DHFR2: variants seen among roughly 807,000 people sequenced by gnomAD.
The protein encoded by DHFR2 is dihydrofolate reductase 2, mitochondrial.
Under a neutral mutation model 12.0 loss-of-function variants are expected in DHFR2, and 11 were observed. That is an observed-to-expected ratio of 0.92 (90% CI 0.58 to 1.52). The LOEUF is 1.52. DHFR2 is among the 40% of genes most tolerant of loss of function. The pLI is 0.00. For missense variants in DHFR2, 188 were observed against 221.2 expected, an observed-to-expected ratio of 0.85 and a Z score of 0.95; for synonymous variants, 87 against 79.6, an observed-to-expected ratio of 1.09 and a Z score of -0.49.
Position 94,060,475 on chromosome 3 carries a change from C to CA in DHFR2, c.*472dup, listed in dbSNP as rs1247636420. 2.5e-5 allele frequency: 4 copies of CA among 160,644 alleles called. No homozygotes were observed. The highest frequency in any genetic ancestry group is 5.5e-5 in the Non-Finnish European group (4 of 73,100). 10.0% of individuals were successfully genotyped at this position (160,644 alleles called of 1,614,324 possible). A position where few individuals can be genotyped will look rare whatever the true frequency, so the allele number is the denominator to read the frequency against. On this transcript the variant is annotated 3_prime_UTR_variant, in exon 2 of 2. Coordinates refer to ENST00000314636, the MANE Select transcript of DHFR2 (RefSeq NM_176815.5). ...CCCCAATCTAAGACAGAAATATATT[C>CA]ATTTTCCCATCACTGGACTTCCAGG...
chr3:94,063,198 G>A, upstream of DHFR2: 18 of 1,561,910 alleles, frequency 1.2e-5, no homozygotes, highest in Non-Finnish European at 1.6e-5. Flanking sequence ...GGACGCGGCC[G>A]AGGTGGCGAG....
chr3:94,058,732 G>GTTTTTTTTTTTTTTTTTTTT lies in DHFR2; in HGVS notation c.*2215_*2216insAAAAAAAAAAAAAAAAAAAA, dbSNP rs1221588717. 7.9e-6 allele frequency: 1 copy of GTTTTTTTTTTTTTTTTTTTT among 126,812 alleles called. No individual in the cohort carries two copies. Among genetic ancestry groups the GTTTTTTTTTTTTTTTTTTTT allele is most frequent in the Non-Finnish European group, 1.7e-5 (1 of 59,010 alleles). 7.9% of individuals were successfully genotyped at this position (126,812 alleles called of 1,614,324 possible). On this transcript the variant is annotated 3_prime_UTR_variant, in exon 2 of 2. Transcript: ENST00000314636. The stretch of plus-strand genomic sequence containing the variant: ...CAACCCTTCCCCCTTGTTTTTTTTT[G>GTTTTTTTTTTTTTTTTTTTT]TTTTTTTTTTTTTTTACTTTTGCTT...
At chr3:94,062,414 T>A (rs984224094) in intron 1 of DHFR2, among the ~76,000 whole-genome samples, 1 of 152,212 alleles carries the variant, frequency 6.6e-6, no homozygotes, top group Admixed American at 6.5e-5. Flanking sequence ...ATGGGCCAGG[T>A]CTGGGGAAAA....
upstream of DHFR2, chr3:94,062,947 T>C: frequency 1.5e-6 from 1 of 652,840 alleles, no homozygotes; most frequent in Non-Finnish European, 2.7e-6. Context: ...GAGCTAAGCC[T>C]CTTCGACAAG....
upstream of DHFR2, chr3:94,063,271 T>C (rs941421243): frequency 1.1e-6 from 1 of 909,850 alleles, no homozygotes; most frequent in Non-Finnish European, 1.8e-6. Context: ...AGCGTTTCTT[T>C]GGCTTTACTG....
At chr3:94,061,812 T>C (rs2077177046) in intron 1 of DHFR2, among the ~76,000 whole-genome samples, 1 of 151,788 alleles carries the variant, frequency 6.6e-6, no homozygotes, top group South Asian at 2.1e-4. Context: ...ATCCAAGAGA[T>C]GGCATCATTT....
Position 94,060,853 on chromosome 3 carries a change from A to G in DHFR2, c.*95T>C. ...ACGTTGCTTAGAAATAATTATCCAT[A>G]GATCTGAAGTCAACAAAAGTCCCTT... On this transcript the variant is annotated 3_prime_UTR_variant, in exon 2 of 2. Transcript: ENST00000314636. The G allele has an allele frequency of 3.8e-6, 5 of 1,330,692 alleles. No homozygotes were observed. The highest frequency in any genetic ancestry group is 5.2e-6 in the Non-Finnish European group (5 of 967,580). 82.4% of individuals were successfully genotyped at this position (1,330,692 alleles called of 1,614,324 possible).
Position 94,061,361 on chromosome 3 carries a change from C to G in DHFR2, c.151G>C (p.Val51Leu), listed in dbSNP as rs906434942. The part of the protein sequence containing the change: ...TSSVEGKQNL[V>L]IMGRKTWFSI... ...AACCAGGTCTTCCTACCCATAATCA[C>G]CAGATTCTGTTTACCCTCTACTGAA... Residue 51 changes from valine (V) to leucine (L), a missense_variant, in exon 2 of 2, where the codon GTG becomes CTG. Physicochemically the swap from Val to Leu is conservative, Grantham distance 32. Transcript: ENST00000314636. 6.2e-7 allele frequency: 1 copy of G among 1,614,158 alleles called. No individual in the cohort carries two copies. The highest frequency in any genetic ancestry group is 1.7e-5 in the Admixed American group (1 of 60,018).
rs577574323 is a variant in DHFR2, at chr3:94,059,828, C to T, written c.*1120G>A. On this transcript the variant is annotated 3_prime_UTR_variant, in exon 2 of 2. Coordinates refer to ENST00000314636, the MANE Select transcript of DHFR2 (RefSeq NM_176815.5). Reference sequence around the variant, plus strand: ...CTGTAATCCCAGCACCCCTGAAGGCCGAGGCAGGAGGATCACCTGAGGTCA... The same window carrying T: ...CTGTAATCCCAGCACCCCTGAAGGCTGAGGCAGGAGGATCACCTGAGGTCA... The T allele has an allele frequency of 2.0e-5, 3 of 152,258 alleles. No homozygotes were observed. Among genetic ancestry groups the T allele is most frequent in the East Asian group, 1.9e-4 (1 of 5,180 alleles). 9.4% of individuals were successfully genotyped at this position (152,258 alleles called of 1,614,324 possible). A position where few individuals can be genotyped will look rare whatever the true frequency, so the allele number is the denominator to read the frequency against.
At chr3:94,063,283 C>A, upstream of DHFR2, 1 of 854,342 alleles carries the variant, frequency 1.2e-6, no homozygotes, top group Non-Finnish European at 2.0e-6. Context: ...GCTTTACTGT[C>A]AAGCCCTGAA....
In DHFR2 at chr3:94,060,916, G is replaced by T. The variant is rs2077169257; in HGVS notation, c.*32C>A. ...AATGCATACTTTTCTCAGAGGGAGG[G>T]GGAACAACTTAAACCAGAAAACACC... is the stretch of plus-strand genomic sequence containing the variant. On this transcript the variant is annotated 3_prime_UTR_variant, in exon 2 of 2. Coordinates refer to ENST00000314636, the MANE Select transcript of DHFR2 (RefSeq NM_176815.5). 2 of 1,601,978 alleles carry T rather than the reference G, an allele frequency of 1.2e-6. No homozygotes were observed. Among genetic ancestry groups the T allele is most frequent in the Non-Finnish European group, 1.7e-6 (2 of 1,173,298 alleles).
In DHFR2 at chr3:94,059,679, G is replaced by A. The variant is rs2077161973; in HGVS notation, c.*1269C>T. 6.6e-6 allele frequency: 1 copy of A among 152,130 alleles called. No individual in the cohort carries two copies. The highest frequency in any genetic ancestry group is 1.5e-5 in the Non-Finnish European group (1 of 68,030). 9.4% of individuals were successfully genotyped at this position (152,130 alleles called of 1,614,324 possible). On this transcript the variant is annotated 3_prime_UTR_variant, in exon 2 of 2. Coordinates refer to ENST00000314636, the MANE Select transcript of DHFR2 (RefSeq NM_176815.5). ...TTCAAACTACCATCATCCCTCACTTGAACCTAGAATTGGTTTTCCTGCTTC... is the reference window on the plus strand; with the variant it reads ...TTCAAACTACCATCATCCCTCACTTAAACCTAGAATTGGTTTTCCTGCTTC...
At chr3:94,063,050 C>G, upstream of DHFR2, 3 of 1,535,788 alleles carry the variant, frequency 2.0e-6, no homozygotes, top group Non-Finnish European at 1.8e-6. Context: ...GGAAGTCAGA[C>G]TGTTTTTTTC....
Position 94,058,861 on chromosome 3 carries a change from G to T in DHFR2, c.*2087C>A. 6.4e-6 allele frequency: 1 copy of T among 155,528 alleles called. No individual in the cohort carries two copies. Among genetic ancestry groups the T allele is most frequent in the East Asian group, 1.9e-4 (1 of 5,316 alleles). 9.6% of individuals were successfully genotyped at this position (155,528 alleles called of 1,614,324 possible). ...GTGGCCAGGCTGCTCTGAACTCTTGGGCTCAAGCCATCCTTTTGCTTAGCC... is the reference window on the plus strand; with the variant it reads ...GTGGCCAGGCTGCTCTGAACTCTTGTGCTCAAGCCATCCTTTTGCTTAGCC... On this transcript the variant is annotated 3_prime_UTR_variant, in exon 2 of 2. Transcript: ENST00000314636.
chr3:94,060,893 T>C lies in DHFR2; in HGVS notation c.*55A>G, dbSNP rs2077169026. 6.4e-7 allele frequency: 1 copy of C among 1,566,550 alleles called. No individual in the cohort carries two copies. Among genetic ancestry groups the C allele is most frequent in the African/African-American group, 1.4e-5 (1 of 73,250 alleles). On this transcript the variant is annotated 3_prime_UTR_variant, in exon 2 of 2. Coordinates refer to ENST00000314636, the MANE Select transcript of DHFR2 (RefSeq NM_176815.5). ...AAAAGTCCCTTTTCTAATGTAAAAA[T>C]GCATACTTTTCTCAGAGGGAGGGGG...
upstream of DHFR2, chr3:94,063,126 A>G: frequency 6.2e-7 from 1 of 1,614,054 alleles, no homozygotes; most frequent in Non-Finnish European, 8.5e-7. Flanking sequence ...TCAGCGGGAC[A>G]ATGCTGACCC....
Position 94,061,512 on chromosome 3 carries a change from G to C in DHFR2, c.-1C>G. The C allele has an allele frequency of 6.2e-7, 1 of 1,614,124 alleles. No homozygotes were observed. On this transcript the variant is annotated 5_prime_UTR_variant, in exon 2 of 2. Transcript: ENST00000314636. Reference sequence around the variant, plus strand: ...CGATGCAGTTTAGCAAAAGAAACATGACAGCAGCGGTTAACACCTCCGAAC... The same window carrying C: ...CGATGCAGTTTAGCAAAAGAAACATCACAGCAGCGGTTAACACCTCCGAAC...
Position 94,061,447 on chromosome 3 carries a change from T to C in DHFR2, c.65A>G (p.Asp22Gly). Residue 22 changes from aspartate (D) to glycine (G), a missense_variant, in exon 2 of 2, where the codon GAC (aspartate) becomes GGC (glycine). Transcript: ENST00000314636. The part of the protein sequence containing the change: ...SQNMGIGKNG[D>G]LPRPPLRNEF... Reference sequence around the variant, plus strand: ...ATTCCTGAGCGGCGGCCTGGGCAGGTCCCCGTTCTTGCCGATGCCCATGTT... The same window carrying C: ...ATTCCTGAGCGGCGGCCTGGGCAGGCCCCCGTTCTTGCCGATGCCCATGTT... 6.2e-7 allele frequency: 1 copy of C among 1,614,134 alleles called. No homozygotes were observed. Among genetic ancestry groups the C allele is most frequent in the Non-Finnish European group, 8.5e-7 (1 of 1,180,016 alleles).
At position 94,061,332 on chromosome 3, in the gene DHFR2, G is replaced by A; in HGVS notation, c.180C>T (p.Ser60=). 1 of 1,614,054 alleles carries A rather than the reference G, an allele frequency of 6.2e-7. No individual in the cohort carries two copies. The change falls in exon 2 of 2, where the codon TCC becomes TCT. Residue 60 remains serine, a synonymous_variant. Transcript: ENST00000314636. ...LVIMGRKTWF[S]IPEKNRPLKD... is the part of the protein sequence containing the mutation. The stretch of plus-strand genomic sequence containing the variant: ...TTAAAGGTCGATTCTTCTCAGGAAT[G>A]GAGAACCAGGTCTTCCTACCCATAA...
Sources: allele counts gnomAD v4.1 joint callset (sites outside exome capture counted in the v4.1 genomes callset), GRCh38; gene constraint gnomAD v4.1.1; transcripts MANE v1.5; gene names NCBI Gene and HGNC (gene_info 2026-07-23, HGNC 2026-07-21).